Variants in ATXN8OS observed in about 807,000 individuals in gnomAD.
The protein encoded by ATXN8OS is ATXN8 opposite strand (non-protein coding).
chr13:70,124,517 G>A (rs964335278), intron 2 of ATXN8OS, among the ~76,000 whole-genome samples: 2 of 152,020 alleles, frequency 1.3e-5, no homozygotes, highest in Non-Finnish European at 2.9e-5. Flanking sequence ...GTTACCAACA[G>A]GCATGAGGGA....
intron 4 of ATXN8OS, among the ~76,000 whole-genome samples, chr13:70,154,756 T>C (rs1888915668): frequency 6.6e-6 from 1 of 152,232 alleles, no homozygotes; most frequent in African/African-American, 2.4e-5. Flanking sequence ...TATAGATTCC[T>C]GTTCTCTGTA....
At chr13:70,120,866 A>G (rs1888350519) in intron 2 of ATXN8OS, among the ~76,000 whole-genome samples, 1 of 151,346 alleles carries the variant, frequency 6.6e-6, no homozygotes, top group Non-Finnish European at 1.5e-5. Flanking sequence ...GTGGGAACTG[A>G]ACAATGAGAA....
intron 4 of ATXN8OS, among the ~76,000 whole-genome samples, chr13:70,154,782 T>G (rs572892192): frequency 6.6e-6 from 1 of 152,336 alleles, no homozygotes; most frequent in Admixed American, 6.5e-5. Flanking sequence ...TGACTTCAAG[T>G]ATTCTGTTTT....
intron 3 of ATXN8OS, among the ~76,000 whole-genome samples, chr13:70,136,510 T>C (rs549245953): frequency 6.6e-5 from 10 of 152,062 alleles, no homozygotes; most frequent in African/African-American, 2.4e-4. Flanking sequence ...ATTCACTTAA[T>C]GGTACTCATG....
intron 2 of ATXN8OS, among the ~76,000 whole-genome samples, chr13:70,120,813 T>C (rs902941606): frequency 6.6e-5 from 10 of 151,282 alleles, no homozygotes; most frequent in African/African-American, 2.4e-4. Flanking sequence ...CAGCAAACTA[T>C]CACAAGGACA....
At chr13:70,146,395 C>T (rs900628946) in intron 3 of ATXN8OS, among the ~76,000 whole-genome samples, 9 of 151,764 alleles carry the variant, frequency 5.9e-5, no homozygotes, top group Admixed American at 1.3e-4. Context: ...ACCATTTGAC[C>T]CAGCCATCCC....
chr13:70,107,867 T>A, exon 1 of ATXN8OS: 1 of 573,954 alleles, frequency 1.7e-6, no homozygotes, highest in Non-Finnish European at 2.9e-6. Context: ...AGGCGAAGGC[T>A]GGAGCGCAGA....
intron 3 of ATXN8OS, among the ~76,000 whole-genome samples, chr13:70,146,121 C>T (rs1888783076): frequency 1.3e-5 from 2 of 148,454 alleles, no homozygotes; most frequent in East Asian, 2.0e-4. Context: ...ACAGACACTT[C>T]TCAAAAGAAG....
intron 2 of ATXN8OS, among the ~76,000 whole-genome samples, chr13:70,118,474 A>G (rs1174610200): frequency 2.0e-5 from 3 of 152,080 alleles, no homozygotes; most frequent in African/African-American, 7.2e-5. Flanking sequence ...TAGAAAAAAA[A>G]TTTATTCAAA....
intron 2 of ATXN8OS, among the ~76,000 whole-genome samples, chr13:70,124,074 C>T (rs1888395423): frequency 6.6e-6 from 1 of 151,986 alleles, no homozygotes; most frequent in Non-Finnish European, 1.5e-5. Flanking sequence ...ATTTCACATG[C>T]CATTTTTCTT....
At chr13:70,124,677 G>T (rs1157339437) in intron 2 of ATXN8OS, among the ~76,000 whole-genome samples, 2 of 151,962 alleles carry the variant, frequency 1.3e-5, no homozygotes, top group African/African-American at 2.4e-5. Context: ...TTGTTTGTTT[G>T]GTTGTTGTTA....
At chr13:70,153,839 C>T (rs906412156) in intron 4 of ATXN8OS, among the ~76,000 whole-genome samples, 20 of 152,036 alleles carry the variant, frequency 1.3e-4, no homozygotes, top group African/African-American at 3.4e-4. Flanking sequence ...GCCACTACAC[C>T]TGTCCAATTT....
At chr13:70,127,976 T>C (rs564091164) in intron 2 of ATXN8OS, among the ~76,000 whole-genome samples, 4 of 152,078 alleles carry the variant, frequency 2.6e-5, no homozygotes, top group Non-Finnish European at 5.9e-5. Flanking sequence ...TTTCATTTTA[T>C]GTTGTTATAT....
intron 2 of ATXN8OS, among the ~76,000 whole-genome samples, chr13:70,122,749 G>A (rs529998917): frequency 5.9e-5 from 9 of 152,012 alleles, no homozygotes; most frequent in Non-Finnish European, 8.8e-5. Flanking sequence ...AATAAGGAAG[G>A]GTTCAAGGAA....
intron 2 of ATXN8OS, among the ~76,000 whole-genome samples, chr13:70,127,841 G>C (rs1048182551): frequency 1.3e-5 from 2 of 151,980 alleles, no homozygotes; most frequent in Non-Finnish European, 2.9e-5. Flanking sequence ...TATTCAAGCA[G>C]AGGCTAAACA....
At chr13:70,165,522 G>A (rs545912258) in intron 4 of ATXN8OS, among the ~76,000 whole-genome samples, 22 of 151,806 alleles carry the variant, frequency 1.4e-4, no homozygotes, top group African/African-American at 2.7e-4. Flanking sequence ...CTGGACTTCC[G>A]GCAAACATGA....
At chr13:70,167,650 T>TA (rs5804489) in intron 4 of ATXN8OS, among the ~76,000 whole-genome samples, 73,886 of 149,074 alleles carry the variant, frequency 0.5, 20,691 homozygotes, top group Non-Finnish European at 0.64. Flanking sequence ...CCCTAAAACT[T>TA]AAAGTATAAT....
At chr13:70,129,851 A>G (rs1382801211) in exon 3 of ATXN8OS, 1 of 398,530 alleles carries the variant, frequency 2.5e-6, no homozygotes, top group East Asian at 3.6e-5. Context: ...TGAAGTGTTG[A>G]GAAGAGAATG....
intron 4 of ATXN8OS, among the ~76,000 whole-genome samples, chr13:70,157,336 T>C (rs929430146): frequency 5.3e-5 from 8 of 152,116 alleles, no homozygotes; most frequent in South Asian, 2.1e-4. Flanking sequence ...AGAACATAAT[T>C]TTTTTTCATA....
Sources: gnomAD v4.1 joint callset for allele counts (sites outside exome capture counted in the v4.1 genomes callset) on GRCh38, gnomAD v4.1.1 for gene constraint, MANE v1.5 for transcripts, NCBI Gene and HGNC (gene_info 2026-07-23, HGNC 2026-07-21) for gene names.